Variants in C3 observed in about 807,000 individuals in gnomAD.
C3 encodes complement C3, also known as C3 and PZP-like alpha-2-macroglobulin domain-containing protein 1.
A neutral mutation model predicts 207.9 loss-of-function variants in C3; 97 were observed. That is an observed-to-expected ratio of 0.47 (90% CI 0.40 to 0.55). The LOEUF is 0.55. Among genes scored for constraint, C3 ranks in the 20% least tolerant of loss-of-function variants. The pLI is 0.00. For synonymous variants in C3, 848 were observed against 857.6 expected (o/e 0.99, Z 0.20); for missense variants, 1,684 against 2,171.7 (o/e 0.78, Z 4.46).
Position 6,707,164 on chromosome 19 carries a change from C to T in C3, c.2157G>A (p.Ala719=), listed in dbSNP as rs143671993. The T allele has an allele frequency of 2.5e-4, 410 of 1,613,786 alleles. 1 individual carries two copies. The highest frequency in any genetic ancestry group is 3.2e-4 in the Non-Finnish European group (376 of 1,179,896). ...RRTRFISLGE[A]CKKVFLDCCN... is the part of the protein sequence containing the mutation. The stretch of plus-strand genomic sequence containing the variant: ...AGCAGTCCAGGAAGACCTTCTTGCA[C>T]GCCTCGCCCAGGGAGATGAAACGGG... Residue 719 remains alanine, a synonymous_variant, in exon 17 of 41, where the codon GCG becomes GCA. Transcript: ENST00000245907.
At chr19:6,681,825 C>G in intron 35 of C3, 116 bp downstream of exon 35, 1 of 828,168 alleles carries the variant, frequency 1.2e-6, no homozygotes, top group Non-Finnish European at 2.1e-6. Flanking sequence ...ACCCTGTCTC[C>G]TCTGGCCCAG....
chr19:6,702,437 G>T, intron 18 of C3, 34 bp downstream of exon 18: 1 of 1,372,996 alleles, frequency 7.3e-7, no homozygotes, highest in South Asian at 1.2e-5. Flanking sequence ...GTCTGACTCT[G>T]GGGTGGGTTG....
chr19:6,684,178 C>T (rs1391423899), intron 33 of C3: 2 of 649,454 alleles, frequency 3.1e-6, no homozygotes, highest in Non-Finnish European at 5.6e-6. Context: ...GATGCTTTGA[C>T]AGTCTCAGCT....
chr19:6,678,570 A>ATAGTG lies in C3; in HGVS notation c.4631-116_4631-115insCACTA, dbSNP rs1917781800. The stretch of plus-strand genomic sequence containing the variant: ...TCTCTCCCAAGCAGAAAGTTGCAGA[A>ATAGTG]TCACAGCCAGTCACACTATGGCCCA... On this transcript the variant is annotated intron_variant, in intron 38 of 40. Transcript: ENST00000245907. 31 of 809,474 alleles carry ATAGTG rather than the reference A, an allele frequency of 3.8e-5. No homozygotes were observed. In the South Asian group the frequency reaches 4.6e-4, roughly 12 times the overall value. The allele number at this position is 809,474 out of a possible 1,614,324, so 50.1% of individuals were successfully genotyped here.
chr19:6,684,598 A>T lies in C3; in HGVS notation c.4082T>A (p.Phe1361Tyr), dbSNP rs771112736. 5 of 1,614,136 alleles carry T rather than the reference A, an allele frequency of 3.1e-6. No individual in the cohort carries two copies. The highest frequency in any genetic ancestry group is 3.4e-6 in the Non-Finnish European group (4 of 1,179,998). Residue 1361 changes from phenylalanine to tyrosine, a missense_variant, in exon 32 of 41, where the codon TTC becomes TAC. Phe to Tyr is a conservative substitution (Grantham distance 22, BLOSUM62 3). Coordinates refer to ENST00000245907, the MANE Select transcript of C3 (RefSeq NM_000064.4). Reference protein sequence around the residue: ...KAKDQLTCNKFDLKVTIKPAP... With the variant: ...KAKDQLTCNKYDLKVTIKPAP... ...TGGTTTTATGGTGACCTTGAGGTCGAATTTATTACAGGTGAGTTGATCTTT... is the reference window on the plus strand; with the variant it reads ...TGGTTTTATGGTGACCTTGAGGTCGTATTTATTACAGGTGAGTTGATCTTT...
intron 17 of C3, among the ~76,000 whole-genome samples, chr19:6,704,455 T>C (rs576312536): frequency 3.3e-5 from 5 of 152,180 alleles, no homozygotes. Context: ...CCTTAAAAAA[T>C]ATATATATTT....
At chr19:6,695,471 TG>T (rs1967511535) in intron 23 of C3, among the ~76,000 whole-genome samples, 1 of 151,990 alleles carries the variant, frequency 6.6e-6, no homozygotes, top group African/African-American at 2.4e-5. Flanking sequence ...CTTGTCTTTT[TG>T]TTTGTTTGTT....
chr19:6,679,534 G>T, intron 36 of C3, 38 bp from the exon 37 acceptor site: 1 of 1,439,036 alleles, frequency 6.9e-7, no homozygotes, highest in Non-Finnish European at 9.8e-7. Flanking sequence ...GAGGATAAGG[G>T]CCTCCCTCCA....
chr19:6,687,465 G>A (rs988966090), intron 27 of C3, among the ~76,000 whole-genome samples: 1 of 152,146 alleles, frequency 6.6e-6, no homozygotes, highest in Non-Finnish European at 1.5e-5. Context: ...AGCATACTGA[G>A]CCCTGAGAGA....
chr19:6,684,895 G>T, intron 30 of C3, 61 bp from the exon 31 acceptor site: 1 of 1,603,820 alleles, frequency 6.2e-7, no homozygotes, highest in Non-Finnish European at 8.5e-7. Flanking sequence ...TGCCTGTGAT[G>T]GTCACCTGGC....
intron 14 of C3, 69 bp downstream of exon 14, chr19:6,709,615 A>ACCCCCCCCC: frequency 3.2e-5 from 13 of 403,584 alleles, no homozygotes; most frequent in South Asian, 5.1e-5. Context: ...CTCCAGTCCC[A>ACCCCCCCCC]CCCACCTCCC....
At chr19:6,712,696 C>T in intron 9 of C3, 73 bp from the exon 10 acceptor site, 1 of 1,267,146 alleles carries the variant, frequency 7.9e-7, no homozygotes, top group Non-Finnish European at 1.2e-6. Flanking sequence ...CAGAATGGAC[C>T]CCAACTTCAG....
At chr19:6,714,282 C>T (rs1967986388) in intron 5 of C3, 34 bp from the exon 6 acceptor site, 2 of 1,612,174 alleles carry the variant, frequency 1.2e-6, no homozygotes, top group Non-Finnish European at 1.7e-6. Flanking sequence ...TCTCTCAGGC[C>T]TCGGAGCCCC....
chr19:6,713,628 G>A (rs1967966868), intron 7 of C3, 119 bp from the exon 8 acceptor site: 1 of 789,088 alleles, frequency 1.3e-6, no homozygotes, highest in Non-Finnish European at 2.1e-6. Context: ...CTCTCACCTG[G>A]CCCCACCTCC....
rs1404424981 is a variant in C3, at chr19:6,694,552, C to G, written c.3033G>C (p.Gly1011=). 6.2e-7 allele frequency: 1 copy of G among 1,614,120 alleles called. No individual in the cohort carries two copies. Among genetic ancestry groups the G allele is most frequent in the African/African-American group, 1.3e-5 (1 of 75,046 alleles). Reference sequence around the variant, plus strand: ...GCGTCATGCCGATCATGTTCTGTTCCCCGCAGCCCGAGGGGGTCACAATGA... The same window carrying G: ...GCGTCATGCCGATCATGTTCTGTTCGCCGCAGCCCGAGGGGGTCACAATGA... ...KHLIVTPSGC[G]EQNMIGMTPT... Residue 1011 remains glycine, a synonymous_variant, in exon 24 of 41, where the codon GGG becomes GGC. Transcript: ENST00000245907.
Position 6,712,314 on chromosome 19 carries a change from A to G in C3, c.1212T>C (p.Asp404=), listed in dbSNP as rs778344850. 1 of 1,614,142 alleles carries G rather than the reference A, an allele frequency of 6.2e-7. No individual in the cohort carries two copies. Among genetic ancestry groups the G allele is most frequent in the Non-Finnish European group, 8.5e-7 (1 of 1,180,018 alleles). Residue 404 remains aspartate, a synonymous_variant, in exon 11 of 41, where the codon GAT becomes GAC. Transcript: ENST00000245907. ...TGTTGATGCTGAGTTTGGCCACGCC[A>G]TCTCCCTGGGTTAGAGACTGCACAG... The part of the protein sequence containing the change: ...EDTVQSLTQG[D]GVAKLSINTH...
intron 25 of C3, 115 bp from the exon 26 acceptor site, chr19:6,693,198 C>T (rs2098844607): frequency 7.6e-7 from 1 of 1,315,866 alleles, no homozygotes; most frequent in Non-Finnish European, 1.1e-6. Context: ...CCTGGTTTGC[C>T]TTCCCAGGCC....
rs749838591 is a variant in C3 at position 6,677,850 on chromosome 19, G to A, written c.*32C>T. 23 of 1,613,180 alleles carry A rather than the reference G, an allele frequency of 1.4e-5. No individual in the cohort carries two copies. The highest frequency in any genetic ancestry group is 1.9e-5 in the Non-Finnish European group (23 of 1,179,868). On this transcript the variant is annotated 3_prime_UTR_variant, in exon 41 of 41. Coordinates refer to ENST00000245907, the MANE Select transcript of C3 (RefSeq NM_000064.4). ...TCCAGACACGTGAGATATAACTGAA[G>A]CTTTATCTGGAGTGGGGGAATGGGG...
rs115538347 is a variant in C3 at position 6,692,430 on chromosome 19, C to T, written c.3390+494G>A. Among the ~76,000 whole-genome samples the T allele has an allele frequency of 4.7e-3, 714 of 152,202 alleles. 5 individuals are homozygous for T. The highest frequency in any genetic ancestry group is 0.016 in the African/African-American group (664 of 41,520). The stretch of plus-strand genomic sequence containing the variant: ...CCAGCTGGATTTGAAAAAATCACCC[C>T]AACTGCTATGTGGTGAGTGTCTGAG... On this transcript the variant is annotated intron_variant, in intron 26 of 40. Coordinates refer to ENST00000245907, the MANE Select transcript of C3 (RefSeq NM_000064.4).
Sources: allele counts gnomAD v4.1 joint callset (sites outside exome capture counted in the v4.1 genomes callset), GRCh38; gene constraint gnomAD v4.1.1; transcripts MANE v1.5; gene names NCBI Gene and HGNC (gene_info 2026-07-23, HGNC 2026-07-21).